ROBO1: variants seen among roughly 807,000 people sequenced by gnomAD.
ROBO1 encodes the protein roundabout guidance receptor 1.
In ROBO1, 149 loss-of-function variants were observed where a neutral mutation model predicts 195.9. That is an observed-to-expected ratio of 0.76 (90% confidence interval 0.67 to 0.87). The LOEUF (loss-of-function observed/expected upper bound fraction) is 0.87. Ranked by LOEUF, ROBO1 falls within the 40% of genes least tolerant of loss-of-function variation. The probability of loss-of-function intolerance (pLI) is 0.00; values close to 1 mark genes in which losing one functional copy is unlikely to be tolerated. For synonymous variants in ROBO1, 816 were observed against 733.2 expected (o/e 1.11, Z -1.82); for missense variants, 1,933 against 2,068.3 (o/e 0.93, Z 1.27).
At chr3:79,211,135 A>G (rs969538787) in intron 2 of ROBO1, among the ~76,000 whole-genome samples, 37 of 152,072 alleles carry the variant, frequency 2.4e-4, no homozygotes, top group African/African-American at 8.4e-4. Context: ...ATAATAATTA[A>G]AGAATTTTTT....
intron 3 of ROBO1, among the ~76,000 whole-genome samples, chr3:79,064,509 G>GA (rs200804802): frequency 0.02 from 2,984 of 151,870 alleles, 96 homozygotes; most frequent in African/African-American, 0.067. Context: ...CAAACATCCA[G>GA]AAAAATCTAT....
At chr3:79,529,162 C>CTTCTTTTTTCA (rs1363566595) in intron 2 of ROBO1, among the ~76,000 whole-genome samples, 2 of 152,254 alleles carry the variant, frequency 1.3e-5, no homozygotes, top group Admixed American at 6.5e-5. Flanking sequence ...AAAAAAGTTA[C>CTTCTTTTTTCA]TTCTTATTAA....
At chr3:78,682,841 A>G (rs1224184922) in intron 10 of ROBO1, among the ~76,000 whole-genome samples, 1 of 150,926 alleles carries the variant, frequency 6.6e-6, no homozygotes, top group Non-Finnish European at 1.5e-5. Flanking sequence ...TTTTATATTA[A>G]CCTTGTGTCC....
chr3:78,788,631 A>C (rs1367294608), intron 4 of ROBO1, among the ~76,000 whole-genome samples: 1 of 151,970 alleles, frequency 6.6e-6, no homozygotes, highest in Non-Finnish European at 1.5e-5. Flanking sequence ...GTTTGAAATA[A>C]TTCCAAATTA....
Position 78,600,127 on chromosome 3 carries a change from T to C in ROBO1, c.4927A>G (p.Asn1643Asp). The stretch of plus-strand genomic sequence containing the variant: ...ATTATAGATACCTCTAATTCTTCAT[T>C]ATTATCTTCTCCTCTTTCATATCCT... ...LGGYERGEDN[N>D]EELEETES The change falls in exon 30 of 31, where the codon AAT (asparagine) becomes GAT (aspartate). Residue 1643 changes from asparagine to aspartate, a missense_variant. Around this residue, in one of 3 missense-constraint regions of ROBO1, gnomAD observed 1,737 missense variants for 1,882.5 expected, o/e 0.92. Transcript: ENST00000464233. The C allele has an allele frequency of 6.2e-7, 1 of 1,612,342 alleles. No homozygotes were observed. Among genetic ancestry groups the C allele is most frequent in the Non-Finnish European group, 8.5e-7 (1 of 1,178,804 alleles).
At chr3:78,715,198 T>C (rs1237600524) in intron 7 of ROBO1, 1 of 152,144 alleles carries the variant, frequency 6.6e-6, no homozygotes, top group African/African-American at 2.4e-5. Context: ...AGTTCCAAAT[T>C]TGGATTTCTA....
chr3:79,203,378 A>G (rs1258651869), intron 2 of ROBO1, among the ~76,000 whole-genome samples: 2 of 152,208 alleles, frequency 1.3e-5, no homozygotes, highest in African/African-American at 4.8e-5. Flanking sequence ...CACAAGCAAT[A>G]GTATTCCCAG....
intron 2 of ROBO1, among the ~76,000 whole-genome samples, chr3:79,308,187 C>A (rs367778551): frequency 4.5e-4 from 68 of 152,214 alleles, no homozygotes; most frequent in African/African-American, 1.6e-3. Flanking sequence ...TGTATGTACT[C>A]ATTAACTGGT....
At chr3:78,646,666 G>C (rs960635149) in intron 20 of ROBO1, among the ~76,000 whole-genome samples, 2 of 150,044 alleles carry the variant, frequency 1.3e-5, no homozygotes, top group African/African-American at 4.9e-5. Context: ...AAGTCAAAGA[G>C]AAATGTTAAA....
chr3:79,496,460 T>C (rs1289133519), intron 2 of ROBO1, among the ~76,000 whole-genome samples: 1 of 134,384 alleles, frequency 7.4e-6, no homozygotes, highest in Non-Finnish European at 1.6e-5. Flanking sequence ...CTCGGCTCAC[T>C]GCAAGCTCCG....
intron 28 of ROBO1, among the ~76,000 whole-genome samples, chr3:78,607,860 T>G (rs1026114904): frequency 1.3e-5 from 2 of 152,128 alleles, no homozygotes; most frequent in African/African-American, 4.8e-5. Flanking sequence ...CTAGATATAA[T>G]CAGAACCAGG....
At chr3:78,673,950 C>T (rs996024423) in intron 10 of ROBO1, among the ~76,000 whole-genome samples, 3 of 151,824 alleles carry the variant, frequency 2.0e-5, no homozygotes, top group Non-Finnish European at 4.4e-5. Context: ...ATTATTATTC[C>T]ATTTTAGAAA....
At chr3:79,037,985 T>C (rs1357533955) in intron 3 of ROBO1, among the ~76,000 whole-genome samples, 1 of 152,154 alleles carries the variant, frequency 6.6e-6, no homozygotes, top group African/African-American at 2.4e-5. Context: ...TTCATTATGA[T>C]CCAAGAAAGA....
At chr3:79,446,323 G>T (rs1208917512) in intron 2 of ROBO1, among the ~76,000 whole-genome samples, 3 of 152,024 alleles carry the variant, frequency 2.0e-5, no homozygotes, top group Admixed American at 6.6e-5. Context: ...CAAATTATAG[G>T]AGTCTATAAT....
At chr3:79,725,904 T>TTA (rs2077196416) in intron 1 of ROBO1, among the ~76,000 whole-genome samples, 1 of 147,274 alleles carries the variant, frequency 6.8e-6, no homozygotes, top group Non-Finnish European at 1.5e-5. Context: ...TACAGACACT[T>TTA]AAAAAAAAAA....
intron 2 of ROBO1, among the ~76,000 whole-genome samples, chr3:79,408,557 G>T (rs1019502846): frequency 2.0e-5 from 3 of 151,970 alleles, no homozygotes; most frequent in African/African-American, 7.2e-5. Context: ...ATAAAAACAG[G>T]ATTTGAAAAT....
chr3:79,714,849 G>A (rs1229319845), intron 1 of ROBO1, among the ~76,000 whole-genome samples: 1 of 131,962 alleles, frequency 7.6e-6, no homozygotes, highest in Non-Finnish European at 1.6e-5. Flanking sequence ...GGACTGTTGT[G>A]GGGTGGGGGG....
chr3:79,523,380 GCGT>G (rs1941290961), intron 2 of ROBO1, among the ~76,000 whole-genome samples: 1 of 150,168 alleles, frequency 6.7e-6, no homozygotes, highest in African/African-American at 2.5e-5. Flanking sequence ...ACAATTTTAT[GCGT>G]CAATTTTAAC....
At chr3:79,320,361 T>G (rs2033926850) in intron 2 of ROBO1, among the ~76,000 whole-genome samples, 1 of 152,164 alleles carries the variant, frequency 6.6e-6, no homozygotes. Flanking sequence ...CAGGGTCTCA[T>G]TCTGTCACCA....
Sources: allele counts gnomAD v4.1 joint callset (sites outside exome capture counted in the v4.1 genomes callset), GRCh38; gene constraint gnomAD v4.1.1; regional missense constraint gnomAD v4.1.1; transcripts MANE v1.5; gene names NCBI Gene and HGNC (gene_info 2026-07-23, HGNC 2026-07-21).